Variants in TGFA observed in about 807,000 individuals in gnomAD.
The protein encoded by TGFA is protransforming growth factor alpha.
Under a neutral mutation model 21.7 loss-of-function variants are expected in TGFA, and 12 were observed. The ratio of observed to expected loss-of-function variants is 0.55; its 90% CI spans 0.35 to 0.90. The LOEUF (loss-of-function observed/expected upper bound fraction) is 0.90, where lower values mean the gene tolerates loss of function less well. TGFA is among the 40% of genes least tolerant of loss of function. The pLI, the probability that TGFA is intolerant of heterozygous loss-of-function variation, is 0.01. For synonymous variants in TGFA, 79 were observed against 88.1 expected (o/e 0.90, Z 0.58); for missense variants, 178 against 210.8 (o/e 0.84, Z 0.96).
At position 70,509,696 on chromosome 2, in the gene TGFA, A is replaced by G. The variant is rs552329624; in HGVS notation, c.94+5163T>C. On this transcript the variant is annotated intron_variant, in intron 2 of 5. Coordinates refer to ENST00000295400, the MANE Select transcript of TGFA (RefSeq NM_003236.4). Reference sequence around the variant, plus strand: ...TGAGTACCCAGCTCATGCAAGGCAGATAGCAGATGGAAGCCTGGAGGCTGG... The same window carrying G: ...TGAGTACCCAGCTCATGCAAGGCAGGTAGCAGATGGAAGCCTGGAGGCTGG... 2.6e-5 allele frequency among the ~76,000 whole-genome samples: 4 copies of G among 152,308 alleles called. No individual in the cohort carries two copies. The East Asian group carries it at 5.8e-4, about 22-fold the overall frequency.
At chr2:70,516,421 C>T (rs1036451406) in intron 1 of TGFA, among the ~76,000 whole-genome samples, 1 of 152,186 alleles carries the variant, frequency 6.6e-6, no homozygotes, top group African/African-American at 2.4e-5. Flanking sequence ...TTCCTTCCAA[C>T]CTCTGAAATG....
At position 70,546,662 on chromosome 2, in the gene TGFA, T is replaced by C. The variant is rs115127028; in HGVS notation, c.40+7066A>G. 7.1e-3 allele frequency among the ~76,000 whole-genome samples: 1,077 copies of C among 152,058 alleles called. 14 individuals are homozygous for C. Among genetic ancestry groups the C allele is most frequent in the African/African-American group, 0.024 (1,013 of 41,448 alleles). ...CTAATTTTTCTTTTTTCTTTTTTTT[T>C]TGAAGAGATTGTGGGGAGTATCTCA... On this transcript the variant is annotated intron_variant, in intron 1 of 5. Coordinates refer to ENST00000295400, the MANE Select transcript of TGFA (RefSeq NM_003236.4).
rs1320288499 is a variant in TGFA, at chr2:70,449,388, A to G, written c.*1471T>C. 1 of 152,936 alleles carries G rather than the reference A, an allele frequency of 6.5e-6. No homozygotes were observed. Among genetic ancestry groups the G allele is most frequent in the African/African-American group, 2.4e-5 (1 of 41,470 alleles). 9.5% of individuals were successfully genotyped at this position (152,936 alleles called of 1,614,324 possible). A position where few individuals can be genotyped will look rare whatever the true frequency, so the allele number is the denominator to read the frequency against. On this transcript the variant is annotated 3_prime_UTR_variant, in exon 6 of 6. Transcript: ENST00000295400. ...TCAGATATTAGTAGCATTTCCTCAC[A>G]TAAGGAGTTTATATATTATTTCTTC...
intron 1 of TGFA, among the ~76,000 whole-genome samples, chr2:70,540,762 C>A (rs2103931635): frequency 6.6e-6 from 1 of 152,174 alleles, no homozygotes; most frequent in Middle Eastern, 3.4e-3. Flanking sequence ...GGCAAGATGA[C>A]AAAATATTTT....
At chr2:70,550,752 C>T (rs1673475232) in intron 1 of TGFA, among the ~76,000 whole-genome samples, 1 of 152,120 alleles carries the variant, frequency 6.6e-6, no homozygotes, top group Non-Finnish European at 1.5e-5. Context: ...ACCCGGGAGG[C>T]GGAGCTTGCA....
At chr2:70,486,223 G>A (rs1403632602) in intron 2 of TGFA, among the ~76,000 whole-genome samples, 1 of 152,146 alleles carries the variant, frequency 6.6e-6, no homozygotes, top group African/African-American at 2.4e-5. Context: ...CTTAGATGGT[G>A]AAACAATGAA....
intron 2 of TGFA, among the ~76,000 whole-genome samples, chr2:70,466,850 C>T (rs1670580545): frequency 6.6e-6 from 1 of 152,068 alleles, no homozygotes; most frequent in Non-Finnish European, 1.5e-5. Context: ...TACTATGCAG[C>T]CATAAAAAGG....
intron 1 of TGFA, among the ~76,000 whole-genome samples, chr2:70,549,414 C>A (rs1274035015): frequency 3.9e-5 from 6 of 152,200 alleles, no homozygotes; most frequent in Admixed American, 2.0e-4. Flanking sequence ...TCTGCCCTTT[C>A]CCCATCAGCA....
intron 2 of TGFA, among the ~76,000 whole-genome samples, chr2:70,495,471 C>T (rs1671548519): frequency 6.6e-6 from 1 of 152,178 alleles, no homozygotes; most frequent in Non-Finnish European, 1.5e-5. Context: ...CTAGAACTGC[C>T]TTGGGTTTCT....
intron 2 of TGFA, among the ~76,000 whole-genome samples, chr2:70,469,253 G>A (rs1464647951): frequency 6.6e-6 from 1 of 152,144 alleles, no homozygotes; most frequent in Non-Finnish European, 1.5e-5. Context: ...CTTGCTAGGT[G>A]ATTTTTTAAA....
At chr2:70,470,842 T>A (rs1419784023) in intron 2 of TGFA, among the ~76,000 whole-genome samples, 2 of 152,186 alleles carry the variant, frequency 1.3e-5, no homozygotes, top group African/African-American at 4.8e-5. Context: ...CATTAGAAGG[T>A]TGTTTATTAA....
At chr2:70,506,914 G>A (rs1312443020) in intron 2 of TGFA, among the ~76,000 whole-genome samples, 1 of 152,216 alleles carries the variant, frequency 6.6e-6, no homozygotes, top group Non-Finnish European at 1.5e-5. Context: ...ACCTGGAAGT[G>A]TTAAGTACTT....
chr2:70,506,828 C>G (rs782424690), intron 2 of TGFA, among the ~76,000 whole-genome samples: 2 of 152,198 alleles, frequency 1.3e-5, no homozygotes, highest in Non-Finnish European at 2.9e-5. Flanking sequence ...CTTGGACTGT[C>G]TGGTTTCAGA....
Position 70,448,571 on chromosome 2 carries a change from G to A in TGFA, c.*2288C>T, listed in dbSNP as rs1669955343. On this transcript the variant is annotated 3_prime_UTR_variant, in exon 6 of 6. Transcript: ENST00000295400. ...ACTACCATTGCCATTAAATGGCAGA[G>A]GGATCCAATGCTTATCAGTCATTTG... The A allele has an allele frequency of 6.6e-6, 1 of 152,212 alleles. No individual in the cohort carries two copies. The highest frequency in any genetic ancestry group is 6.5e-5 in the Admixed American group (1 of 15,284). 9.4% of individuals were successfully genotyped at this position (152,212 alleles called of 1,614,324 possible). A position where few individuals can be genotyped will look rare whatever the true frequency, so the allele number is the denominator to read the frequency against.
chr2:70,516,777 C>T (rs1257796674), intron 1 of TGFA, among the ~76,000 whole-genome samples: 2 of 152,210 alleles, frequency 1.3e-5, no homozygotes, highest in Non-Finnish European at 2.9e-5. Context: ...CCATCCTTGG[C>T]TAAAGTCAGC....
chr2:70,481,792 G>T (rs1553495575), intron 2 of TGFA, among the ~76,000 whole-genome samples: 1 of 152,178 alleles, frequency 6.6e-6, no homozygotes, highest in African/African-American at 2.4e-5. Context: ...ACAATGGAGA[G>T]GTCCATGTGG....
At chr2:70,473,766 C>G (rs1300333841) in intron 2 of TGFA, among the ~76,000 whole-genome samples, 2 of 152,078 alleles carry the variant, frequency 1.3e-5, no homozygotes, top group African/African-American at 4.8e-5. Flanking sequence ...ATCTTTTAAA[C>G]GATGGATATA....
intron 2 of TGFA, among the ~76,000 whole-genome samples, chr2:70,508,025 A>C (rs1671981722): frequency 6.6e-6 from 1 of 152,256 alleles, no homozygotes; most frequent in East Asian, 1.9e-4. Flanking sequence ...TATGTAACTT[A>C]ATTACATATT....
At chr2:70,498,870 C>T (rs1553498704) in intron 2 of TGFA, among the ~76,000 whole-genome samples, 1 of 152,114 alleles carries the variant, frequency 6.6e-6, no homozygotes, top group Non-Finnish European at 1.5e-5. Context: ...AAGAGTCCTT[C>T]CCTCTTTTTC....
Sources: gnomAD v4.1 joint callset for allele counts (sites outside exome capture counted in the v4.1 genomes callset) on GRCh38, gnomAD v4.1.1 for gene constraint, MANE v1.5 for transcripts, NCBI Gene and HGNC (gene_info 2026-07-23, HGNC 2026-07-21) for gene names.